Variants in PCDHA9 observed in about 807,000 individuals in gnomAD.
PCDHA9 encodes the protein protocadherin alpha-9.
Under a neutral mutation model 62.0 loss-of-function variants are expected in PCDHA9, and 62 were observed. The ratio of observed to expected loss-of-function variants is 1.00; its 90% confidence interval spans 0.81 to 1.23. PCDHA9 has a LOEUF of 1.23. PCDHA9 is among the 50% of genes most tolerant of loss of function. The pLI is 0.00. For synonymous variants in PCDHA9, 557 were observed against 567.6 expected (o/e 0.98, Z 0.27); for missense variants, 1,205 against 1,249.8 (o/e 0.96, Z 0.54).
chr5:140,926,783 C>G lies in PCDHA9; in HGVS notation c.2395-52166C>G, dbSNP rs1230665699. 5.0e-6 allele frequency: 7 copies of G among 1,410,188 alleles called. No homozygotes were observed. The African/African-American group carries it at 7.3e-5, about 15-fold the overall frequency. The allele number at this position is 1,410,188 out of a possible 1,614,324, so 87.4% of individuals were successfully genotyped here. On this transcript the variant is annotated intron_variant, in intron 1 of 3. Transcript: ENST00000532602. The stretch of plus-strand genomic sequence containing the variant: ...GTATCCAGCCCGCAGCAGTGACGGC[C>G]GGCAGGAGCGTGCTCTTCCCCGCGG...
intron 2 of PCDHA9, among the ~76,000 whole-genome samples, chr5:140,979,661 GTCTC>G (rs2096859733): frequency 6.6e-6 from 1 of 152,146 alleles, no homozygotes; most frequent in South Asian, 2.1e-4. Context: ...TCTCTACTTT[GTCTC>G]TCTGACAGTA....
intron 1 of PCDHA9, among the ~76,000 whole-genome samples, chr5:140,925,082 AAAGG>A (rs138596875): frequency 0.022 from 3,184 of 147,344 alleles, 79 homozygotes; most frequent in African/African-American, 0.064. Flanking sequence ...GCTCATCTGG[AAAGG>A]AAGGAAGGAA....
intron 1 of PCDHA9, chr5:140,855,866 C>T: frequency 2.5e-6 from 2 of 802,280 alleles, no homozygotes; most frequent in Middle Eastern, 2.5e-4. Flanking sequence ...TCGCTGTCGT[C>T]CACAAAATAG....
intron 1 of PCDHA9, chr5:140,857,713 G>A (rs903592431): frequency 5.6e-6 from 9 of 1,597,320 alleles, no homozygotes; most frequent in Non-Finnish European, 7.7e-6. Flanking sequence ...TGTTCGTGCT[G>A]GACGAGAACG....
chr5:140,854,297 T>C (rs1194574834), intron 1 of PCDHA9: 2 of 419,142 alleles, frequency 4.8e-6, no homozygotes, highest in Non-Finnish European at 6.4e-6. Context: ...TATTATTTTG[T>C]GCGTGGAGAT....
chr5:140,887,525 TC>T (rs552124664), intron 1 of PCDHA9, among the ~76,000 whole-genome samples: 1 of 152,154 alleles, frequency 6.6e-6, no homozygotes, highest in South Asian at 2.1e-4. Context: ...TATATATGAG[TC>T]TTCCTCTCCC....
At chr5:140,869,288 G>C (rs950790626) in intron 1 of PCDHA9, 2 of 1,613,578 alleles carry the variant, frequency 1.2e-6, no homozygotes, top group South Asian at 1.1e-5. Flanking sequence ...CTGGTGCAGC[G>C]CCTGTTCCGG....
At chr5:140,871,536 A>G in intron 1 of PCDHA9, 1 of 1,507,188 alleles carries the variant, frequency 6.6e-7, no homozygotes, top group East Asian at 2.4e-5. Context: ...AGTGTATGTG[A>G]AATTATTTAA....
chr5:140,870,428 T>C, intron 1 of PCDHA9: 3 of 1,614,126 alleles, frequency 1.9e-6, no homozygotes, highest in Non-Finnish European at 2.5e-6. Flanking sequence ...AGGGTATCCG[T>C]GGAGGTGGCC....
intron 1 of PCDHA9, chr5:140,883,292 G>C (rs1352359327): frequency 6.2e-7 from 1 of 1,613,946 alleles, no homozygotes; most frequent in Non-Finnish European, 8.5e-7. Flanking sequence ...GGAAGTACTA[G>C]ATGTAAATGA....
chr5:140,873,739 C>A (rs571863406), intron 1 of PCDHA9, among the ~76,000 whole-genome samples: 1 of 152,294 alleles, frequency 6.6e-6, no homozygotes, highest in African/African-American at 2.4e-5. Flanking sequence ...CAGCTCACTG[C>A]AATCTCCACC....
intron 1 of PCDHA9, among the ~76,000 whole-genome samples, chr5:140,951,337 G>C (rs1346350844): frequency 6.6e-6 from 1 of 151,970 alleles, no homozygotes; most frequent in Non-Finnish European, 1.5e-5. Context: ...CATTCTGTTT[G>C]TGTTAGTCCA....
rs2150469634 is a variant in PCDHA9, at chr5:140,850,145, G to A, written c.1650G>A (p.Thr550=). 7 of 1,595,444 alleles carry A rather than the reference G, an allele frequency of 4.4e-6. No individual in the cohort carries two copies. The African/African-American group carries it at 5.4e-5, about 12-fold the overall frequency. ...AGVPPLGSNV[T]LQVFVLDEND... ...TGCCGCCTCTGGGCAGCAACGTGACGCTGCAGGTGTTCGTGCTGGACGAGA... is the reference window on the plus strand; with the variant it reads ...TGCCGCCTCTGGGCAGCAACGTGACACTGCAGGTGTTCGTGCTGGACGAGA... The change falls in exon 1 of 4, where the codon ACG becomes ACA. Residue 550 remains threonine (T), a synonymous_variant. Coordinates refer to ENST00000532602, the MANE Select transcript of PCDHA9 (RefSeq NM_031857.2).
chr5:140,946,092 G>A (rs985293430), intron 1 of PCDHA9, among the ~76,000 whole-genome samples: 2 of 151,914 alleles, frequency 1.3e-5, no homozygotes, highest in Non-Finnish European at 2.9e-5. Flanking sequence ...CTGATAAGGA[G>A]TTAACATACC....
chr5:141,004,897 G>T (rs1455115465), intron 3 of PCDHA9, among the ~76,000 whole-genome samples: 1 of 152,154 alleles, frequency 6.6e-6, no homozygotes, highest in Non-Finnish European at 1.5e-5. Context: ...TGTCAGCTCT[G>T]CCAGGGTGTA....
At chr5:140,973,208 C>T (rs2096576751) in intron 1 of PCDHA9, among the ~76,000 whole-genome samples, 1 of 152,170 alleles carries the variant, frequency 6.6e-6, no homozygotes, top group African/African-American at 2.4e-5. Flanking sequence ...TGCATATTCA[C>T]CCTAATTCCA....
rs930699906 is a variant in PCDHA9 at position 140,851,715 on chromosome 5, G to A, written c.2394+826G>A. The A allele has an allele frequency of 9.3e-6, 9 of 963,892 alleles. No individual in the cohort carries two copies. In the East Asian group the frequency reaches 3.4e-4, roughly 37 times the overall value. The allele number at this position is 963,892 out of a possible 1,614,324, so 59.7% of individuals were successfully genotyped here. On this transcript the variant is annotated intron_variant, in intron 1 of 3. Transcript: ENST00000532602. Reference sequence around the variant, plus strand: ...AAAATGATCAGCCATGTGAAGATTCGAAACTTCGAGTTCTTTTGAAATTCA... The same window carrying A: ...AAAATGATCAGCCATGTGAAGATTCAAAACTTCGAGTTCTTTTGAAATTCA...
At chr5:140,854,909 G>T (rs1295662316) in intron 1 of PCDHA9, among the ~76,000 whole-genome samples, 1 of 149,376 alleles carries the variant, frequency 6.7e-6, no homozygotes, top group Non-Finnish European at 1.5e-5. Flanking sequence ...AATATAACAG[G>T]GTTGAAAGCA....
At chr5:140,914,817 C>T (rs2076857750) in intron 1 of PCDHA9, among the ~76,000 whole-genome samples, 1 of 152,040 alleles carries the variant, frequency 6.6e-6, no homozygotes, top group African/African-American at 2.4e-5. Flanking sequence ...ACTTAACAGA[C>T]TGCATAAACA....
Sources: gnomAD v4.1 joint callset for allele counts (sites outside exome capture counted in the v4.1 genomes callset) on GRCh38, gnomAD v4.1.1 for gene constraint, MANE v1.5 for transcripts, NCBI Gene and HGNC (gene_info 2026-07-23, HGNC 2026-07-21) for gene names.